The following FAM151B variants were observed in gnomAD, a reference collection of about 807,000 sequenced individuals.
FAM151B encodes the protein family with sequence similarity 151 member B, also known as protein FAM151B.
In FAM151B, 24 loss-of-function variants were observed where a neutral mutation model predicts 31.2. The observed-to-expected ratio is 0.77, with a 90% CI of 0.56 to 1.08. The LOEUF (loss-of-function observed/expected upper bound fraction) is 1.08, where lower values mean the gene tolerates loss of function less well. Ranked by LOEUF, FAM151B falls within the 50% of genes least tolerant of loss-of-function variation. The pLI, the probability that FAM151B is intolerant of heterozygous loss-of-function variation, is 0.00. For synonymous variants in FAM151B, 105 were observed against 111.4 expected (o/e 0.94, Z 0.36); for missense variants, 293 against 328.6 (o/e 0.89, Z 0.84).
intron 1 of FAM151B, among the ~76,000 whole-genome samples, chr5:80,494,704 G>A (rs1206289765): frequency 3.3e-5 from 5 of 151,240 alleles, no homozygotes; most frequent in Non-Finnish European, 7.4e-5. Context: ...TGTAGAGACG[G>A]GATTTCGTCA....
At position 80,541,907 on chromosome 5, in the gene FAM151B, A is replaced by T; in HGVS notation, c.*75A>T. 1.7e-5 allele frequency: 24 copies of T among 1,445,848 alleles called. No individual in the cohort carries two copies. The highest frequency in any genetic ancestry group is 2.1e-5 in the Non-Finnish European group (23 of 1,070,446). The allele number at this position is 1,445,848 out of a possible 1,614,324, so 89.6% of individuals were successfully genotyped here. A position where few individuals can be genotyped will look rare whatever the true frequency, so the allele number is the denominator to read the frequency against. On this transcript the variant is annotated 3_prime_UTR_variant, in exon 6 of 6. Coordinates refer to ENST00000282226, the MANE Select transcript of FAM151B (RefSeq NM_205548.3). ...TCCATTGGTCTGAATTAATTACCAT[A>T]TAAATTATGGTTATTGATTGACGTT...
chr5:80,530,190 T>G (rs926501287), intron 5 of FAM151B, among the ~76,000 whole-genome samples: 12 of 152,208 alleles, frequency 7.9e-5, no homozygotes, highest in Admixed American at 5.9e-4. Flanking sequence ...CAACAGCCCT[T>G]CATGCTAAAA....
chr5:80,541,366 G>T (rs1054670407), intron 5 of FAM151B, among the ~76,000 whole-genome samples: 1 of 152,102 alleles, frequency 6.6e-6, no homozygotes, highest in Non-Finnish European at 1.5e-5. Context: ...TAGTCTCTTC[G>T]ATTCCTTTTT....
At chr5:80,528,882 T>C (rs1014694933) in intron 5 of FAM151B, among the ~76,000 whole-genome samples, 1 of 152,076 alleles carries the variant, frequency 6.6e-6, no homozygotes, top group Non-Finnish European at 1.5e-5. Flanking sequence ...CTGCACCAAG[T>C]GGACCTAATA....
At chr5:80,492,396 C>T (rs1278031022) in intron 1 of FAM151B, among the ~76,000 whole-genome samples, 1 of 152,106 alleles carries the variant, frequency 6.6e-6, no homozygotes, top group Non-Finnish European at 1.5e-5. Flanking sequence ...CAAAGTCAAA[C>T]TTAATCTGTA....
At chr5:80,529,209 A>G (rs2112659699) in intron 5 of FAM151B, among the ~76,000 whole-genome samples, 1 of 152,350 alleles carries the variant, frequency 6.6e-6, no homozygotes, top group Non-Finnish European at 1.5e-5. Context: ...GACACAACAT[A>G]CCAGAATCTC....
At chr5:80,489,699 C>T (rs1205113887) in intron 1 of FAM151B, among the ~76,000 whole-genome samples, 2 of 152,070 alleles carry the variant, frequency 1.3e-5, no homozygotes, top group Non-Finnish European at 2.9e-5. Flanking sequence ...CCGAGGTGGG[C>T]GGATCACGAG....
At chr5:80,497,072 A>G (rs1408951363) in intron 1 of FAM151B, among the ~76,000 whole-genome samples, 1 of 151,696 alleles carries the variant, frequency 6.6e-6, no homozygotes, top group East Asian at 2.0e-4. Flanking sequence ...CGACCTCCCA[A>G]AGTGCTGGGA....
intron 5 of FAM151B, among the ~76,000 whole-genome samples, chr5:80,539,163 T>A: frequency 6.6e-6 from 1 of 152,124 alleles, no homozygotes; most frequent in Admixed American, 6.5e-5. Flanking sequence ...TTTTCGTGAA[T>A]AACCTTATTG....
chr5:80,508,482 A>G (rs909050174), intron 2 of FAM151B, among the ~76,000 whole-genome samples: 1 of 151,926 alleles, frequency 6.6e-6, no homozygotes, highest in African/African-American at 2.4e-5. Context: ...AGTGTATATG[A>G]ATTGGTATCT....
At chr5:80,492,451 C>T (rs191973119) in intron 1 of FAM151B, among the ~76,000 whole-genome samples, 6 of 152,154 alleles carry the variant, frequency 3.9e-5, no homozygotes, top group East Asian at 1.9e-4. Context: ...GCATGCTGGC[C>T]GGCTTGGCGA....
At chr5:80,526,121 A>G (rs1744953868) in intron 5 of FAM151B, among the ~76,000 whole-genome samples, 1 of 152,088 alleles carries the variant, frequency 6.6e-6, no homozygotes. Context: ...TTGGGACTTG[A>G]GTACACAGAA....
intron 5 of FAM151B, 187 bp downstream of exon 5, chr5:80,522,325 C>A (rs1580442732): frequency 4.0e-6 from 2 of 502,100 alleles, no homozygotes; most frequent in African/African-American, 3.8e-5. Flanking sequence ...CCTTAACTTA[C>A]TTAACATCGT....
intron 5 of FAM151B, among the ~76,000 whole-genome samples, chr5:80,533,237 C>T (rs1408277872): frequency 1.3e-5 from 2 of 151,696 alleles, no homozygotes; most frequent in African/African-American, 2.4e-5. Flanking sequence ...AATAGCCGGG[C>T]GTGGTGGCGG....
chr5:80,524,629 A>G (rs949718823), intron 5 of FAM151B, among the ~76,000 whole-genome samples: 1 of 152,140 alleles, frequency 6.6e-6, no homozygotes, highest in African/African-American at 2.4e-5. Context: ...ATTGTTTGAG[A>G]TAGGAAGGAA....
rs1200727807 is a variant in FAM151B at position 80,538,444 on chromosome 5, CT to C, written c.672-3226del. ...TCTTTCTTTCTTTCTTTCTTTCTTT[CT>C]TTCTCTTTCTTTCTTTCTTTCTTTC... On this transcript the variant is annotated intron_variant, in intron 5 of 5. Coordinates refer to ENST00000282226, the MANE Select transcript of FAM151B (RefSeq NM_205548.3). 3.1e-4 allele frequency among the ~76,000 whole-genome samples: 17 copies of C among 54,420 alleles called. 1 individual carries two copies. Among genetic ancestry groups the C allele is most frequent in the African/African-American group, 1.4e-3 (14 of 10,210 alleles). 35.7% of individuals were successfully genotyped at this position (54,420 alleles called of 152,430 possible).
At chr5:80,494,900 T>C (rs1743473166) in intron 1 of FAM151B, among the ~76,000 whole-genome samples, 2 of 152,150 alleles carry the variant, frequency 1.3e-5, no homozygotes, top group Non-Finnish European at 2.9e-5. Flanking sequence ...GAAAAGCCAA[T>C]ATTTGGCTTA....
rs577895550 is a variant in FAM151B at position 80,520,219 on chromosome 5, C to T, written c.535+309C>T. Among the ~76,000 whole-genome samples, 4 of 152,136 alleles carry T rather than the reference C, an allele frequency of 2.6e-5. No homozygotes were observed. The South Asian group carries it at 6.2e-4, about 24-fold the overall frequency. ...CCAGATTTTAAAGGAAAGTGGAACACGTCCCTTCTTTTTATCAGGAAATTA... is the reference window on the plus strand; with the variant it reads ...CCAGATTTTAAAGGAAAGTGGAACATGTCCCTTCTTTTTATCAGGAAATTA... On this transcript the variant is annotated intron_variant, in intron 4 of 5. Coordinates refer to ENST00000282226, the MANE Select transcript of FAM151B (RefSeq NM_205548.3).
intron 5 of FAM151B, among the ~76,000 whole-genome samples, chr5:80,533,378 AAAAACAAAAC>A (rs528671941): frequency 3.9e-5 from 6 of 151,944 alleles, no homozygotes; most frequent in African/African-American, 9.7e-5. Context: ...CTCCATCTCA[AAAAACAAAAC>A]AAAACAAAAC....
Sources: allele counts gnomAD v4.1 joint callset (sites outside exome capture counted in the v4.1 genomes callset), GRCh38; gene constraint gnomAD v4.1.1; transcripts MANE v1.5; gene names NCBI Gene and HGNC (gene_info 2026-07-23, HGNC 2026-07-21).